The following ATG14 variants were observed in gnomAD, a reference collection of about 807,000 sequenced individuals.
The protein encoded by ATG14 is autophagy related 14.
Under a neutral mutation model 60.4 loss-of-function variants are expected in ATG14, and 35 were observed. That is an observed-to-expected ratio of 0.58 (90% CI 0.44 to 0.77). The LOEUF is 0.77. ATG14 is among the 30% of genes least tolerant of loss of function. ATG14 has a pLI of 0.00. For synonymous variants in ATG14, 234 were observed against 228.8 expected, an observed-to-expected ratio of 1.02 and a Z score of -0.21; for missense variants, 647 against 626.3, an observed-to-expected ratio of 1.03 and a Z score of -0.35.
chr14:55,369,544 C>A lies in ATG14; in HGVS notation c.*75G>T. 7.6e-7 allele frequency: 1 copy of A among 1,315,646 alleles called. No homozygotes were observed. The highest frequency in any genetic ancestry group is 2.4e-5 in the Admixed American group (1 of 41,308). The allele number at this position is 1,315,646 out of a possible 1,614,324, so 81.5% of individuals were successfully genotyped here. On this transcript the variant is annotated 3_prime_UTR_variant, in exon 10 of 10. Coordinates refer to ENST00000247178, the MANE Select transcript of ATG14 (RefSeq NM_014924.5). ...GTTCCAGACACTATCTTAACTTAAA[C>A]AGAAAATGTTTACTAGAGTGTAGTG...
At chr14:55,374,216 G>GTTTTT (rs112314795) in intron 9 of ATG14, among the ~76,000 whole-genome samples, 1 of 151,232 alleles carries the variant, frequency 6.6e-6, no homozygotes, top group Non-Finnish European at 1.5e-5. Context: ...TTATTTTAAT[G>GTTTTT]TTTTTTTTTA....
intron 1 of ATG14, among the ~76,000 whole-genome samples, chr14:55,401,806 C>T (rs1012908772): frequency 6.6e-6 from 1 of 152,114 alleles, no homozygotes; most frequent in African/African-American, 2.4e-5. Context: ...AGGCAGCCAC[C>T]CAGGAGCGCT....
intron 1 of ATG14, among the ~76,000 whole-genome samples, chr14:55,397,943 C>CTTTTT (rs928087584): frequency 3.7e-4 from 39 of 105,524 alleles, no homozygotes; most frequent in Non-Finnish European, 6.1e-4. Context: ...TGCAGTAATT[C>CTTTTT]TTTTTTTTTT....
chr14:55,409,552 G>A (rs981453304), intron 1 of ATG14, among the ~76,000 whole-genome samples: 1 of 142,782 alleles, frequency 7.0e-6, no homozygotes, highest in East Asian at 2.0e-4. Flanking sequence ...TAACGTATGA[G>A]CAGGCACCTA....
At chr14:55,380,516 A>C in intron 7 of ATG14, 57 bp downstream of exon 7, 1 of 1,184,982 alleles carries the variant, frequency 8.4e-7, no homozygotes, top group Non-Finnish European at 1.2e-6. Flanking sequence ...AATAAAGACA[A>C]AATAGAAACT....
intron 1 of ATG14, among the ~76,000 whole-genome samples, chr14:55,401,330 T>G (rs1885394997): frequency 6.6e-6 from 1 of 152,274 alleles, no homozygotes; most frequent in African/African-American, 2.4e-5. Flanking sequence ...ACAAATTATT[T>G]TTTCTATTTT....
chr14:55,399,446 A>G (rs918153858), intron 1 of ATG14, among the ~76,000 whole-genome samples: 1 of 152,218 alleles, frequency 6.6e-6, no homozygotes, highest in Non-Finnish European at 1.5e-5. Context: ...CCAGTATTAG[A>G]AAACTCAGAA....
chr14:55,395,416 G>T (rs934905005), intron 3 of ATG14, among the ~76,000 whole-genome samples: 2 of 152,216 alleles, frequency 1.3e-5, no homozygotes, highest in Non-Finnish European at 2.9e-5. Flanking sequence ...GCTGTGGCAC[G>T]ATCTTGGCTC....
chr14:55,378,613 TCCTC>T (rs1187730283), intron 7 of ATG14, among the ~76,000 whole-genome samples: 2 of 151,812 alleles, frequency 1.3e-5, no homozygotes, highest in Non-Finnish European at 2.9e-5. Flanking sequence ...CTCCCTCCCT[TCCTC>T]CCTCCCTCCC....
At chr14:55,394,147 CA>C (rs1392403850) in intron 3 of ATG14, among the ~76,000 whole-genome samples, 1 of 151,838 alleles carries the variant, frequency 6.6e-6, no homozygotes, top group Non-Finnish European at 1.5e-5. Context: ...GCTGGGATTA[CA>C]GGCGTGTGCC....
At chr14:55,378,186 CT>C in intron 7 of ATG14, 112 bp from the exon 8 acceptor site, 1 of 812,822 alleles carries the variant, frequency 1.2e-6, no homozygotes, top group Non-Finnish European at 2.0e-6. Context: ...CCTTTTACTC[CT>C]TAGTAAATTG....
intron 3 of ATG14, chr14:55,395,222 C>T: frequency 2.7e-6 from 1 of 366,674 alleles, no homozygotes; most frequent in Non-Finnish European, 5.5e-6. Flanking sequence ...AGCTGACCTT[C>T]CTCTTGGGCA....
At chr14:55,399,171 G>A (rs1347801627) in intron 1 of ATG14, among the ~76,000 whole-genome samples, 1 of 152,080 alleles carries the variant, frequency 6.6e-6, no homozygotes, top group Non-Finnish European at 1.5e-5. Flanking sequence ...AAATTTAATA[G>A]TCACTGAAAA....
chr14:55,372,140 G>A (rs1884833313), intron 9 of ATG14, among the ~76,000 whole-genome samples: 1 of 151,942 alleles, frequency 6.6e-6, no homozygotes. Flanking sequence ...TCACATATCT[G>A]AACCAGTCTC....
Position 55,382,054 on chromosome 14 carries a change from C to A in ATG14, c.785G>T (p.Ser262Ile), listed in dbSNP as rs1234698734. The A allele has an allele frequency of 6.2e-7, 1 of 1,614,064 alleles. No homozygotes were observed. Among genetic ancestry groups the A allele is most frequent in the Admixed American group, 1.7e-5 (1 of 59,998 alleles). Residue 262 changes from serine to isoleucine, a missense_variant, in exon 6 of 10, where the codon AGC (serine) becomes ATC (isoleucine). Ser to Ile is a moderately radical substitution (Grantham distance 142, BLOSUM62 -2). Coordinates refer to ENST00000247178, the MANE Select transcript of ATG14 (RefSeq NM_014924.5). ...GAGGCTAATCCAAGGCCCTGTAATG[C>A]TAATGCTGGTGTCTCCGTTGTGATC... ...CDDHNGDTSI[S>I]ITGPWISLPN...
In ATG14 at chr14:55,380,477, T is replaced by TAA. The variant is rs1469449425; in HGVS notation, c.995+95_995+96insTT. On this transcript the variant is annotated intron_variant, in intron 7 of 9. Transcript: ENST00000247178. ...CGACCTTCTCTGTCTTGGTAATACTTACATTCTTATTTTTGGTTTATTGGA... is the reference window on the plus strand; with the variant it reads ...CGACCTTCTCTGTCTTGGTAATACTTAAACATTCTTATTTTTGGTTTATTGGA... 2.8e-5 allele frequency: 22 copies of TAA among 798,886 alleles called. No homozygotes were observed. The African/African-American group carries it at 3.1e-4, about 11-fold the overall frequency. The allele number at this position is 798,886 out of a possible 1,614,324, so 49.5% of individuals were successfully genotyped here.
intron 1 of ATG14, among the ~76,000 whole-genome samples, chr14:55,407,427 C>A (rs768445551): frequency 6.6e-6 from 1 of 152,164 alleles, no homozygotes; most frequent in Non-Finnish European, 1.5e-5. Context: ...CTGCCCCCGG[C>A]CTCATTTTTG....
chr14:55,399,554 C>T (rs931366289), intron 1 of ATG14, among the ~76,000 whole-genome samples: 10 of 152,340 alleles, frequency 6.6e-5, no homozygotes, highest in African/African-American at 2.4e-4. Flanking sequence ...CTCCAGAATA[C>T]TAAGAAATCT....
At chr14:55,372,283 TCAC>T (rs775758526) in intron 9 of ATG14, among the ~76,000 whole-genome samples, 2 of 145,510 alleles carry the variant, frequency 1.4e-5, no homozygotes, top group South Asian at 2.2e-4. Flanking sequence ...CCTCACCATA[TCAC>T]CACCACTTTC....
Sources: allele counts gnomAD v4.1 joint callset (sites outside exome capture counted in the v4.1 genomes callset), GRCh38; gene constraint gnomAD v4.1.1; transcripts MANE v1.5; gene names NCBI Gene and HGNC (gene_info 2026-07-23, HGNC 2026-07-21).